PAX2: variants seen among roughly 807,000 people sequenced by gnomAD.
PAX2 encodes the protein paired box protein Pax-2.
PAX2 carries 9 observed loss-of-function variants against 41.7 expected under a neutral mutation model. That is an observed-to-expected ratio of 0.22 (90% CI 0.13 to 0.38). The LOEUF is 0.38. PAX2 is among the 10% of genes least tolerant of loss of function. The pLI, the probability that PAX2 is intolerant of heterozygous loss-of-function variation, is 1.00. For synonymous variants in PAX2, 221 were observed against 212.7 expected, an observed-to-expected ratio of 1.04 and a Z score of -0.34; for missense variants, 418 against 531.6, an observed-to-expected ratio of 0.79 and a Z score of 2.10.
chr10:100,779,691 C>T (rs2133894569), intron 4 of PAX2, 108 bp downstream of exon 4: 2 of 831,730 alleles, frequency 2.4e-6, no homozygotes, highest in East Asian at 2.7e-5. Flanking sequence ...CAGAGCCCAA[C>T]CTATTTGCCA....
chr10:100,803,236 C>T (rs548384462), intron 5 of PAX2, among the ~76,000 whole-genome samples: 13 of 152,170 alleles, frequency 8.5e-5, no homozygotes, highest in Non-Finnish European at 1.8e-4. Context: ...TCACCCCAGC[C>T]AGCACTTCCA....
chr10:100,747,736 C>T, intron 1 of PAX2: 1 of 984,954 alleles, frequency 1.0e-6, no homozygotes, highest in Middle Eastern at 5.2e-4. Context: ...CGCAGGAAAG[C>T]CGCGCCGAGG....
At chr10:100,800,140 C>A (rs1487863892) in intron 5 of PAX2, among the ~76,000 whole-genome samples, 3 of 152,134 alleles carry the variant, frequency 2.0e-5, no homozygotes, top group Non-Finnish European at 4.4e-5. Context: ...CCTCATCTTG[C>A]TTCCTGGGAT....
chr10:100,796,024 G>A (rs1847318708), intron 5 of PAX2, among the ~76,000 whole-genome samples: 2 of 152,072 alleles, frequency 1.3e-5, no homozygotes, highest in South Asian at 2.1e-4. Context: ...CTGAGCTTTT[G>A]TCTTCCTGAC....
At chr10:100,743,565 G>A (rs1446770858), upstream of PAX2, among the ~76,000 whole-genome samples, 1 of 152,166 alleles carries the variant, frequency 6.6e-6, no homozygotes, top group Non-Finnish European at 1.5e-5. Context: ...CTTTCTCAAC[G>A]TTCCTTTCAC....
chr10:100,786,250 C>T (rs912159807), intron 5 of PAX2, among the ~76,000 whole-genome samples: 2 of 152,178 alleles, frequency 1.3e-5, no homozygotes, highest in African/African-American at 4.8e-5. Context: ...ATTGGGAGAA[C>T]GTTTGTCCAT....
chr10:100,739,697 C>T (rs1844887692), intron 1 of PAX2, among the ~76,000 whole-genome samples: 1 of 152,226 alleles, frequency 6.6e-6, no homozygotes, highest in East Asian at 1.9e-4. Context: ...TGTCGCCTGC[C>T]CCCACCCTCC....
chr10:100,779,657 G>C, intron 4 of PAX2, 74 bp downstream of exon 4: 2 of 1,196,586 alleles, frequency 1.7e-6, no homozygotes, highest in Non-Finnish European at 2.4e-6. Context: ...TCCACCCCTG[G>C]GAACTGCCTG....
At chr10:100,777,097 A>ATTT (rs532321832) in intron 3 of PAX2, among the ~76,000 whole-genome samples, 25 of 122,364 alleles carry the variant, frequency 2.0e-4, no homozygotes, top group East Asian at 1.3e-3. Context: ...TGGTACTGTG[A>ATTT]TTTTTTTTTT....
At chr10:100,736,712 G>T (rs1445033161) in intron 1 of PAX2, among the ~76,000 whole-genome samples, 1 of 151,860 alleles carries the variant, frequency 6.6e-6, no homozygotes, top group Non-Finnish European at 1.5e-5. Context: ...CCCCTCCTAG[G>T]GCCTTGTCCC....
At chr10:100,747,490 T>A (rs1028680171) in intron 1 of PAX2, 32 of 325,624 alleles carry the variant, frequency 9.8e-5, no homozygotes, top group South Asian at 4.0e-4. Context: ...CTTTTTTTTT[T>A]AAAAGCTAAA....
At chr10:100,781,172 CCTT>C (rs1846606421) in intron 4 of PAX2, 71 bp from the exon 5 acceptor site, 1 of 1,494,392 alleles carries the variant, frequency 6.7e-7, no homozygotes, top group Non-Finnish European at 9.3e-7. Context: ...TGCCCCCCAG[CCTT>C]GGGGCTTTGG....
rs913809619 is a variant in PAX2, at chr10:100,748,809, G to C, written c.44-937G>C. On this transcript the variant is annotated intron_variant, in intron 1 of 9. Coordinates refer to ENST00000355243, the MANE Select transcript of PAX2 (RefSeq NM_000278.5). This position sits in a 1 kb window ranked among gnomAD's most constrained non-coding sequence, Gnocchi z 5.0. ...TGGGGGGGCTGCCGAGGTCTGAGGG[G>C]TCAAAGGGACTCGAGTCGGGTTTGG... The C allele has an allele frequency of 2.0e-6, 2 of 985,404 alleles. No individual in the cohort carries two copies. The highest frequency in any genetic ancestry group is 1.2e-4 in the Admixed American group (2 of 16,260). The allele number at this position is 985,404 out of a possible 1,614,324, so 61.0% of individuals were successfully genotyped here.
At chr10:100,735,444 G>A (rs1844756252) in exon 1 of PAX2, among the ~76,000 whole-genome samples, 1 of 152,302 alleles carries the variant, frequency 6.6e-6, no homozygotes, top group East Asian at 1.9e-4. Context: ...GCCTCGGTGC[G>A]TGTGCACGCG....
At chr10:100,807,534 C>G (rs953511995) in intron 6 of PAX2, among the ~76,000 whole-genome samples, 1 of 151,414 alleles carries the variant, frequency 6.6e-6, no homozygotes, top group Non-Finnish European at 1.5e-5. Flanking sequence ...CACACACCAC[C>G]GCCCACCTGC....
At chr10:100,815,317 C>A (rs1244889959) in intron 7 of PAX2, among the ~76,000 whole-genome samples, 1 of 152,254 alleles carries the variant, frequency 6.6e-6, no homozygotes, top group East Asian at 1.9e-4. Context: ...CCCTGATTAG[C>A]TAGAGGAATT....
In PAX2 at chr10:100,748,950, G is replaced by A. The variant is rs1252382573; in HGVS notation, c.44-796G>A. The stretch of plus-strand genomic sequence containing the variant: ...TCTGCGAGGCGCGGCAGGCAGGCGA[G>A]CCCAAGCAGCCGGCATTCTCTGCCT... On this transcript the variant is annotated intron_variant, in intron 1 of 9. Transcript: ENST00000355243. This position sits in a 1 kb window ranked among gnomAD's most constrained non-coding sequence, Gnocchi z 5.0. 2 of 985,206 alleles carry A rather than the reference G, an allele frequency of 2.0e-6. No homozygotes were observed. Among genetic ancestry groups the A allele is most frequent in the African/African-American group, 3.5e-5 (2 of 57,206 alleles). 61.0% of individuals were successfully genotyped at this position (985,206 alleles called of 1,614,324 possible).
rs753261521 is a variant in PAX2 at position 100,779,488 on chromosome 10, G to A, written c.411-10G>A. 1.1e-5 allele frequency: 17 copies of A among 1,580,038 alleles called. No homozygotes were observed. Among genetic ancestry groups the A allele is most frequent in the Admixed American group, 1.8e-5 (1 of 54,736 alleles). On this transcript the variant is annotated splice_polypyrimidine_tract_variant and intron_variant, in intron 3 of 9. Coordinates refer to ENST00000355243, the MANE Select transcript of PAX2 (RefSeq NM_000278.5). ...ATTTGATGTGTGATGCTGTTGTGAC[G>A]CTGTTGCAGAATCATCCGGACCAAA...
At chr10:100,777,881 C>T (rs775269941) in intron 3 of PAX2, among the ~76,000 whole-genome samples, 2 of 152,224 alleles carry the variant, frequency 1.3e-5, no homozygotes, top group African/African-American at 2.4e-5. Context: ...TGATGGTTCT[C>T]ATCACATCCA....
Sources: gnomAD v4.1 joint callset for allele counts (sites outside exome capture counted in the v4.1 genomes callset) on GRCh38, gnomAD v4.1.1 for gene constraint, Gnocchi (gnomAD v3.1) non-coding constraint, MANE v1.5 for transcripts, NCBI Gene and HGNC (gene_info 2026-07-23, HGNC 2026-07-21) for gene names.